Variants in RUFY3 observed in about 807,000 individuals in gnomAD.
The protein encoded by RUFY3 is RUN and FYVE domain containing 3, also known as protein RUFY3.
In RUFY3, 34 loss-of-function variants were observed where a neutral mutation model predicts 84.0. That is an observed-to-expected ratio of 0.40 (90% CI 0.31 to 0.54). RUFY3 has a LOEUF of 0.54. Ranked by LOEUF, RUFY3 falls within the 20% of genes least tolerant of loss-of-function variation. The probability of loss-of-function intolerance (pLI) is 0.39; values close to 1 mark genes in which losing one functional copy is unlikely to be tolerated. For synonymous variants in RUFY3, 242 were observed against 252.9 expected (o/e 0.96, Z 0.41); for missense variants, 507 against 736.8 (o/e 0.69, Z 3.61).
chr4:70,706,628 G>A (rs1740366699), intron 1 of RUFY3, among the ~76,000 whole-genome samples: 1 of 152,132 alleles, frequency 6.6e-6, no homozygotes, highest in Non-Finnish European at 1.5e-5. Context: ...TAACAGGAAG[G>A]GTCTATGTGA....
At chr4:70,783,024 C>A (rs772121787) in intron 8 of RUFY3, 67 bp from the exon 9 acceptor site, 2 of 913,054 alleles carry the variant, frequency 2.2e-6, no homozygotes, top group Non-Finnish European at 3.4e-6. Context: ...CCTAGCAGAT[C>A]GTGAATTATC....
At chr4:70,791,983 TA>T in intron 12 of RUFY3, 1 of 984,188 alleles carries the variant, frequency 1.0e-6, no homozygotes, top group Non-Finnish European at 1.2e-6. Flanking sequence ...AGTAATTAGG[TA>T]ACCTATGATA....
chr4:70,711,997 C>G (rs907418354), intron 1 of RUFY3, among the ~76,000 whole-genome samples: 2 of 150,074 alleles, frequency 1.3e-5, no homozygotes, highest in African/African-American at 5.0e-5. Context: ...GACAGAACAA[C>G]AATTTCAGAA....
chr4:70,776,417 T>G (rs1467883702), intron 7 of RUFY3, among the ~76,000 whole-genome samples: 1 of 152,230 alleles, frequency 6.6e-6, no homozygotes, highest in Non-Finnish European at 1.5e-5. Flanking sequence ...TATTTCTTAT[T>G]GTCCTTAAAT....
chr4:70,745,701 T>C (rs1307049846), intron 1 of RUFY3, among the ~76,000 whole-genome samples: 2 of 152,190 alleles, frequency 1.3e-5, no homozygotes, highest in Non-Finnish European at 2.9e-5. Context: ...TTGATGCATG[T>C]TGAAAAACAG....
At chr4:70,705,656 CT>C (rs1187138938) in intron 1 of RUFY3, among the ~76,000 whole-genome samples, 5 of 152,192 alleles carry the variant, frequency 3.3e-5, no homozygotes, top group South Asian at 2.1e-4. Context: ...CGCCCTGGCC[CT>C]GTCCCGGGTC....
intron 1 of RUFY3, among the ~76,000 whole-genome samples, chr4:70,741,935 C>A (rs1721384540): frequency 6.6e-6 from 1 of 152,142 alleles, no homozygotes; most frequent in African/African-American, 2.4e-5. Flanking sequence ...TTTGCCATGG[C>A]TGTTTTTTCA....
rs1040283856 is a variant in RUFY3, at chr4:70,722,581, C to T, written c.8C>T (p.Ala3Val). MSALTPPTDMPTP... is the reference protein window; with the variant it reads MSVLTPPTDMPTP... The stretch of plus-strand genomic sequence containing the variant: ...GGTCCCAGCTGAGTCATCATGTCTG[C>T]TCTGACGCCTCCGACCGATATGCCA... The change falls in exon 1 of 18, where the codon GCT becomes GTT. Residue 3 changes from alanine to valine, a missense_variant. Coordinates refer to ENST00000381006, the MANE Select transcript of RUFY3 (RefSeq NM_001037442.4). 1 of 1,612,608 alleles carries T rather than the reference C, an allele frequency of 6.2e-7. No homozygotes were observed. Among genetic ancestry groups the T allele is most frequent in the Non-Finnish European group, 8.5e-7 (1 of 1,179,658 alleles).
chr4:70,722,814 G>A (rs1577943593), intron 1 of RUFY3, 63 bp downstream of exon 1: 1 of 1,493,680 alleles, frequency 6.7e-7, no homozygotes, highest in African/African-American at 1.4e-5. Flanking sequence ...GGGAGGGCTG[G>A]GAGGATCAGG....
At chr4:70,739,828 T>TAA (rs572519160) in intron 1 of RUFY3, among the ~76,000 whole-genome samples, 11,775 of 97,870 alleles carry the variant, frequency 0.12, 1,091 homozygotes, top group African/African-American at 0.29. Context: ...ACTTAAAGTA[T>TAA]AAAAAAAAAA....
chr4:70,789,774 T>C (rs1208413466), intron 12 of RUFY3, 182 bp downstream of exon 12: 9 of 1,248,338 alleles, frequency 7.2e-6, no homozygotes. Flanking sequence ...GAAATGTTTT[T>C]AGGAAATGTC....
chr4:70,775,946 A>AAAAAAAAAAAACC (rs1553917241), intron 7 of RUFY3, among the ~76,000 whole-genome samples: 4 of 137,958 alleles, frequency 2.9e-5, no homozygotes, highest in African/African-American at 1.2e-4. Context: ...GTCTTAAACA[A>AAAAAAAAAAAACC]AAAAAAAAAA....
chr4:70,728,728 C>T (rs1417475004), intron 1 of RUFY3, among the ~76,000 whole-genome samples: 5 of 151,828 alleles, frequency 3.3e-5, no homozygotes, highest in Admixed American at 1.3e-4. Flanking sequence ...TATCATTTTT[C>T]GGATATTTAT....
rs187688985 is a variant in RUFY3 at position 70,724,733 on chromosome 4, G to A, written c.178+1982G>A. On this transcript the variant is annotated intron_variant, in intron 1 of 17. Coordinates refer to ENST00000381006, the MANE Select transcript of RUFY3 (RefSeq NM_001037442.4). ...AGAAAGCTATTATTTTAAATTACTA[G>A]AAATGAAAATAAAGAAAGCATAGTC... Among the ~76,000 whole-genome samples, 3 of 152,222 alleles carry A rather than the reference G, an allele frequency of 2.0e-5. No individual in the cohort carries two copies. In the East Asian group the frequency reaches 5.8e-4, roughly 29 times the overall value.
At chr4:70,735,685 A>T (rs1272277446) in intron 1 of RUFY3, among the ~76,000 whole-genome samples, 1 of 151,930 alleles carries the variant, frequency 6.6e-6, no homozygotes, top group Non-Finnish European at 1.5e-5. Flanking sequence ...TACAAAAAAA[A>T]ATAAAAATTA....
intron 5 of RUFY3, among the ~76,000 whole-genome samples, chr4:70,771,612 A>G (rs944456480): frequency 6.6e-6 from 1 of 152,164 alleles, no homozygotes; most frequent in Non-Finnish European, 1.5e-5. Context: ...GCTCAGTGCA[A>G]CCTCTGCCTC....
chr4:70,789,681 C>G, intron 12 of RUFY3, 89 bp downstream of exon 12: 1 of 1,453,574 alleles, frequency 6.9e-7, no homozygotes, highest in East Asian at 2.6e-5. Context: ...ATAGAAAATA[C>G]ATGAAATTCT....
chr4:70,762,422 C>A, intron 1 of RUFY3, 97 bp from the exon 2 acceptor site: 1 of 1,059,310 alleles, frequency 9.4e-7, no homozygotes, highest in Non-Finnish European at 1.3e-6. Context: ...TTTTTTTTCA[C>A]AGTGAGTACA....
chr4:70,752,498 A>G (rs1723293844), intron 1 of RUFY3, among the ~76,000 whole-genome samples: 1 of 152,114 alleles, frequency 6.6e-6, no homozygotes, highest in Non-Finnish European at 1.5e-5. Flanking sequence ...CTTGTTCCTG[A>G]TCTTTGAGAA....
Sources: allele counts gnomAD v4.1 joint callset (sites outside exome capture counted in the v4.1 genomes callset), GRCh38; gene constraint gnomAD v4.1.1; transcripts MANE v1.5; gene names NCBI Gene and HGNC (gene_info 2026-07-23, HGNC 2026-07-21).